The following AGPAT4 variants were observed in gnomAD, a reference collection of about 807,000 sequenced individuals.
The protein encoded by AGPAT4 is 1-acylglycerol-3-phosphate O-acyltransferase 4.
AGPAT4 carries 15 observed loss-of-function variants against 48.0 expected under a neutral mutation model. That is an observed-to-expected ratio of 0.31 (90% CI 0.21 to 0.48). The LOEUF is 0.48. AGPAT4 is among the 20% of genes least tolerant of loss of function. AGPAT4 has a pLI of 0.99. For synonymous variants in AGPAT4, 178 were observed against 198.7 expected (o/e 0.90, Z 0.88); for missense variants, 314 against 482.5 (o/e 0.65, Z 3.27).
intron 3 of AGPAT4, chr6:161,160,645 C>A (rs1333449763): frequency 8.2e-6 from 2 of 244,346 alleles, no homozygotes; most frequent in Non-Finnish European, 1.6e-5. Context: ...AGGCTTGAAG[C>A]AGCAGGATAC....
At chr6:161,241,171 G>A (rs1200069792) in intron 1 of AGPAT4, among the ~76,000 whole-genome samples, 2 of 150,648 alleles carry the variant, frequency 1.3e-5, no homozygotes, top group Admixed American at 6.7e-5. Context: ...GCTGAGGCAG[G>A]AGAAATGCTT....
chr6:161,136,152 C>T lies in AGPAT4; in HGVS notation c.*388G>A. 1 of 202,502 alleles carries T rather than the reference C, an allele frequency of 4.9e-6. No homozygotes were observed. The highest frequency in any genetic ancestry group is 1.0e-4 in the South Asian group (1 of 9,902). 12.5% of individuals were successfully genotyped at this position (202,502 alleles called of 1,614,324 possible). ...TCACCTAAAGCACTTTTCACTTTAT[C>T]TCTGGCAACCAAGGGTTACAGAAAA... On this transcript the variant is annotated 3_prime_UTR_variant, in exon 9 of 9. Transcript: ENST00000320285.
At position 161,218,521 on chromosome 6, in the gene AGPAT4, C is replaced by G. The variant is rs561233269; in HGVS notation, c.178+13515G>C. On this transcript the variant is annotated intron_variant, in intron 2 of 8. Transcript: ENST00000320285. The surrounding 1 kb of genome is among the most constrained non-coding windows in gnomAD (Gnocchi z 4.7). ...CATCTTACAATTAAAAAACCAAACC[C>G]AGGTAAGTTGACTGTGTCACCAAGG... Among the ~76,000 whole-genome samples, 75 of 152,274 alleles carry G rather than the reference C, an allele frequency of 4.9e-4. No homozygotes were observed. The highest frequency in any genetic ancestry group is 1.7e-3 in the African/African-American group (69 of 41,558).
At chr6:161,273,329 T>C (rs1783483306) in intron 1 of AGPAT4, among the ~76,000 whole-genome samples, 1 of 151,634 alleles carries the variant, frequency 6.6e-6, no homozygotes, top group Non-Finnish European at 1.5e-5. Context: ...ACCCCTCCTG[T>C]GATAGGGAAA....
In AGPAT4 at chr6:161,196,028, A is replaced by C. The variant is rs894608307; in HGVS notation, c.179-29611T>G. Among the ~76,000 whole-genome samples the C allele has an allele frequency of 6.6e-6, 1 of 152,194 alleles. No individual in the cohort carries two copies. The highest frequency in any genetic ancestry group is 2.4e-5 in the African/African-American group (1 of 41,450). On this transcript the variant is annotated intron_variant, in intron 2 of 8. Coordinates refer to ENST00000320285, the MANE Select transcript of AGPAT4 (RefSeq NM_020133.3). This position sits in a 1 kb window ranked among gnomAD's most constrained non-coding sequence, Gnocchi z 4.3. ...CGTGCTGGATATTCTAGAGCCCCTG[A>C]AGGTGCCAGGACTTTAGGATTTGCA...
Position 161,266,299 on chromosome 6 carries a change from G to A in AGPAT4, c.-90+7639C>T, listed in dbSNP as rs73782848. Among the ~76,000 whole-genome samples the A allele has an allele frequency of 0.052, 7,888 of 152,304 alleles. 530 individuals carry two copies. The highest frequency in any genetic ancestry group is 0.2 in the Admixed American group (3,052 of 15,298). Reference sequence around the variant, plus strand: ...TTGAGGCCCTGGCCAGGAGGCCAGCGATGAGGCAACCCTGATGACCTGACT... The same window carrying A: ...TTGAGGCCCTGGCCAGGAGGCCAGCAATGAGGCAACCCTGATGACCTGACT... On this transcript the variant is annotated intron_variant, in intron 1 of 8. Transcript: ENST00000320285. This position sits in a 1 kb window ranked among gnomAD's most constrained non-coding sequence, Gnocchi z 6.2.
Position 161,232,258 on chromosome 6 carries a change from C to A in AGPAT4, c.-45G>T. 6.4e-7 allele frequency: 1 copy of A among 1,555,216 alleles called. No individual in the cohort carries two copies. Among genetic ancestry groups the A allele is most frequent in the South Asian group, 1.2e-5 (1 of 83,234 alleles). The stretch of plus-strand genomic sequence containing the variant: ...TCAGAAATAAATAACTACCCACAGT[C>A]AAAGATTTCCAGAAGGAAGAAAGAT... On this transcript the variant is annotated 5_prime_UTR_variant, in exon 2 of 9. It removes the in-frame stop codon of an upstream open reading frame in the 5' UTR. Transcript: ENST00000320285. The surrounding 1 kb of genome is among the most constrained non-coding windows in gnomAD (Gnocchi z 6.8).
chr6:161,203,740 G>C (rs1781306752), intron 2 of AGPAT4, among the ~76,000 whole-genome samples: 1 of 152,110 alleles, frequency 6.6e-6, no homozygotes, highest in African/African-American at 2.4e-5. Context: ...CTGGCTGGGA[G>C]AGTTTTCTTT....
rs917621050 is a variant in AGPAT4, at chr6:161,240,331, T to G, written c.-89-8029A>C. ...CAAGACTACAGCTTCAGCATCTTTA[T>G]CCTTAGGAAGAAACTGACAAGGTGC... is the stretch of plus-strand genomic sequence containing the variant. On this transcript the variant is annotated intron_variant, in intron 1 of 8. Transcript: ENST00000320285. This position sits in a 1 kb window ranked among gnomAD's most constrained non-coding sequence, Gnocchi z 5.5. Among the ~76,000 whole-genome samples, 1 of 152,074 alleles carries G rather than the reference T, an allele frequency of 6.6e-6. No individual in the cohort carries two copies. Among genetic ancestry groups the G allele is most frequent in the African/African-American group, 2.4e-5 (1 of 41,426 alleles).
intron 3 of AGPAT4, among the ~76,000 whole-genome samples, chr6:161,156,550 A>G (rs1261727769): frequency 1.3e-5 from 2 of 152,258 alleles, no homozygotes; most frequent in Non-Finnish European, 2.9e-5. Context: ...AAATTTTTAA[A>G]AGATCTGGAA....
At position 161,171,568 on chromosome 6, in the gene AGPAT4, C is replaced by T. The variant is rs979183204; in HGVS notation, c.179-5151G>A. Among the ~76,000 whole-genome samples, 6 of 152,148 alleles carry T rather than the reference C, an allele frequency of 3.9e-5. No homozygotes were observed. The highest frequency in any genetic ancestry group is 2.0e-4 in the Admixed American group (3 of 15,270). On this transcript the variant is annotated intron_variant, in intron 2 of 8. Coordinates refer to ENST00000320285, the MANE Select transcript of AGPAT4 (RefSeq NM_020133.3). The surrounding 1 kb of genome is among the most constrained non-coding windows in gnomAD (Gnocchi z 4.4). The stretch of plus-strand genomic sequence containing the variant: ...TCATGACCTAATCACCTCTTAAAGG[C>T]CCCACATCTCAACACTGTTGCATTG...
Position 161,254,621 on chromosome 6 carries a change from C to G in AGPAT4, c.-90+19317G>C, listed in dbSNP as rs1035661633. 5.9e-5 allele frequency among the ~76,000 whole-genome samples: 9 copies of G among 152,172 alleles called. No individual in the cohort carries two copies. Among genetic ancestry groups the G allele is most frequent in the Admixed American group, 3.3e-4 (5 of 15,278 alleles). ...TATTGGGAAATCGAGGAGAAAATGC[C>G]TTCTTACAAACCCTCCAGCTTCCAT... is the stretch of plus-strand genomic sequence containing the variant. On this transcript the variant is annotated intron_variant, in intron 1 of 8. Coordinates refer to ENST00000320285, the MANE Select transcript of AGPAT4 (RefSeq NM_020133.3). The surrounding 1 kb of genome is among the most constrained non-coding windows in gnomAD (Gnocchi z 5.9).
chr6:161,172,795 C>A (rs902539816), intron 2 of AGPAT4, among the ~76,000 whole-genome samples: 2 of 148,176 alleles, frequency 1.3e-5, no homozygotes, highest in South Asian at 2.2e-4. Context: ...CATCCCCCTT[C>A]CCCCCACCCC....
rs1783387154 is a variant in AGPAT4 at position 161,270,379 on chromosome 6, C to T, written c.-90+3559G>A. ...GAATAATGAATTTGAGTTGCCCAAG[C>T]TCTAGGAAATGTTACATGATTATTA... On this transcript the variant is annotated intron_variant, in intron 1 of 8. Coordinates refer to ENST00000320285, the MANE Select transcript of AGPAT4 (RefSeq NM_020133.3). This position sits in a 1 kb window ranked among gnomAD's most constrained non-coding sequence, Gnocchi z 5.3. Among the ~76,000 whole-genome samples, 1 of 152,104 alleles carries T rather than the reference C, an allele frequency of 6.6e-6. No homozygotes were observed. The highest frequency in any genetic ancestry group is 2.1e-4 in the South Asian group (1 of 4,828).
In AGPAT4 at chr6:161,164,556, C is replaced by T. The variant is rs1396489244; in HGVS notation, c.348+1692G>A. ...CCCCAGGGCCCCTGCTTTTGTGCCCCCAACATCTTCCAGGGGAAAGAGCAG... is the reference window on the plus strand; with the variant it reads ...CCCCAGGGCCCCTGCTTTTGTGCCCTCAACATCTTCCAGGGGAAAGAGCAG... On this transcript the variant is annotated intron_variant, in intron 3 of 8. Transcript: ENST00000320285. This position sits in a 1 kb window ranked among gnomAD's most constrained non-coding sequence, Gnocchi z 7.4. Among the ~76,000 whole-genome samples, 1 of 152,214 alleles carries T rather than the reference C, an allele frequency of 6.6e-6. No homozygotes were observed. The highest frequency in any genetic ancestry group is 1.9e-4 in the East Asian group (1 of 5,194).
intron 2 of AGPAT4, among the ~76,000 whole-genome samples, chr6:161,183,397 A>G (rs989842975): frequency 1.3e-5 from 2 of 151,920 alleles, no homozygotes; most frequent in African/African-American, 2.4e-5. Context: ...AGGTGGGCGG[A>G]GCACTTAAGG....
intron 2 of AGPAT4, among the ~76,000 whole-genome samples, chr6:161,194,668 G>A (rs1208764947): frequency 2.0e-5 from 3 of 151,888 alleles, no homozygotes; most frequent in East Asian, 1.9e-4. Flanking sequence ...GTGTATGTGT[G>A]TATAGATGCG....
intron 1 of AGPAT4, among the ~76,000 whole-genome samples, chr6:161,257,263 G>A (rs1782968125): frequency 6.6e-6 from 1 of 152,168 alleles, no homozygotes; most frequent in Non-Finnish European, 1.5e-5. Flanking sequence ...AACCAGTCCC[G>A]GCTCCATGCA....
chr6:161,151,898 C>G (rs1350794648), intron 5 of AGPAT4, among the ~76,000 whole-genome samples: 1 of 152,198 alleles, frequency 6.6e-6, no homozygotes, highest in African/African-American at 2.4e-5. Flanking sequence ...GAGGCAGGGA[C>G]TGCAGGGAGC....
Sources: allele counts gnomAD v4.1 joint callset (sites outside exome capture counted in the v4.1 genomes callset), GRCh38; gene constraint gnomAD v4.1.1; non-coding constraint Gnocchi (gnomAD v3.1); transcripts MANE v1.5; gene names NCBI Gene and HGNC (gene_info 2026-07-23, HGNC 2026-07-21).